The following STK31 variants were observed in gnomAD, a reference collection of about 807,000 sequenced individuals.
The protein encoded by STK31 is serine/threonine-protein kinase 31.
In STK31, 89 loss-of-function variants were observed where a neutral mutation model predicts 129.7. The ratio of observed to expected loss-of-function variants is 0.69; its 90% CI spans 0.58 to 0.82. The LOEUF is 0.82. Ranked by LOEUF, STK31 falls within the 40% of genes least tolerant of loss-of-function variation. STK31 has a pLI of 0.00. For synonymous variants in STK31, 448 were observed against 395.3 expected, an observed-to-expected ratio of 1.13 and a Z score of -1.58; for missense variants, 1,187 against 1,176.4, an observed-to-expected ratio of 1.01 and a Z score of -0.13.
chr7:23,737,944 C>A (rs1244784286), intron 8 of STK31, among the ~76,000 whole-genome samples: 1 of 151,980 alleles, frequency 6.6e-6, no homozygotes, highest in African/African-American at 2.4e-5. Flanking sequence ...TCCTCCAATT[C>A]TCTGACACCA....
intron 22 of STK31, among the ~76,000 whole-genome samples, chr7:23,791,673 A>G (rs1342077386): frequency 6.6e-6 from 1 of 152,254 alleles, no homozygotes; most frequent in African/African-American, 2.4e-5. Flanking sequence ...CTGCTATTTT[A>G]CGTAGAGAAT....
intron 4 of STK31, among the ~76,000 whole-genome samples, chr7:23,717,822 C>A (rs1786443404): frequency 3.9e-5 from 6 of 152,082 alleles, no homozygotes; most frequent in Admixed American, 3.9e-4. Flanking sequence ...GCTAAATAAG[C>A]CAGTCACAAG....
At chr7:23,787,579 A>G (rs200270817) in intron 20 of STK31, among the ~76,000 whole-genome samples, 1 of 152,076 alleles carries the variant, frequency 6.6e-6, no homozygotes, top group Non-Finnish European at 1.5e-5. Flanking sequence ...CATAAACTCT[A>G]TTGTGAACTG....
At chr7:23,718,161 T>C (rs2128063412) in intron 4 of STK31, among the ~76,000 whole-genome samples, 1 of 152,264 alleles carries the variant, frequency 6.6e-6, no homozygotes, top group Admixed American at 6.5e-5. Flanking sequence ...TACACTATTC[T>C]AGCCAAAAAA....
chr7:23,828,221 T>C (rs958284031), intron 23 of STK31, among the ~76,000 whole-genome samples: 9 of 148,854 alleles, frequency 6.0e-5, no homozygotes, highest in African/African-American at 2.1e-4. Context: ...GGAGGCCTCT[T>C]TGAGCTGTGG....
chr7:23,725,410 A>G (rs978436117), intron 4 of STK31, among the ~76,000 whole-genome samples: 1 of 137,032 alleles, frequency 7.3e-6, no homozygotes, highest in African/African-American at 2.7e-5. Context: ...TAGGTATGGT[A>G]TGTGTGCCTG....
At chr7:23,819,102 G>A (rs1584497505) in intron 23 of STK31, among the ~76,000 whole-genome samples, 3 of 152,114 alleles carry the variant, frequency 2.0e-5, no homozygotes, top group Admixed American at 1.3e-4. Flanking sequence ...CATTTTTGTT[G>A]AAGACCATAA....
At position 23,783,675 on chromosome 7, in the gene STK31, T is replaced by A; in HGVS notation, c.2148+12T>A. 6.2e-7 allele frequency: 1 copy of A among 1,604,238 alleles called. No individual in the cohort carries two copies. The highest frequency in any genetic ancestry group is 1.1e-5 in the South Asian group (1 of 89,170). ...TACTCAAATACATGGTAAACTTTGT[T>A]TCCCTTGCGAATTACTACTCTTCAG... On this transcript the variant is annotated intron_variant, in intron 17 of 23. Coordinates refer to ENST00000355870, the MANE Select transcript of STK31 (RefSeq NM_031414.5).
At chr7:23,793,820 G>A (rs1562607895) in intron 22 of STK31, among the ~76,000 whole-genome samples, 1 of 152,184 alleles carries the variant, frequency 6.6e-6, no homozygotes, top group Non-Finnish European at 1.5e-5. Context: ...AAAACATTTG[G>A]CAGTTTGTTA....
chr7:23,710,181 G>A (rs2128056495), upstream of STK31: 4 of 1,590,024 alleles, frequency 2.5e-6, no homozygotes, highest in South Asian at 4.5e-5. Flanking sequence ...CCGGATGATG[G>A]CGCAGCGCTG....
At chr7:23,786,412 A>T (rs1455448510) in intron 18 of STK31, 96 bp from the exon 19 acceptor site, 4 of 1,220,616 alleles carry the variant, frequency 3.3e-6, no homozygotes, top group Non-Finnish European at 4.3e-6. Context: ...GATTTGATTT[A>T]ACTTAAAATA....
intron 10 of STK31, among the ~76,000 whole-genome samples, chr7:23,759,384 AAC>A (rs1481375027): frequency 6.6e-6 from 1 of 152,226 alleles, no homozygotes; most frequent in African/African-American, 2.4e-5. Flanking sequence ...TTGGAAGTAA[AAC>A]ACTCTTCAGC....
intron 22 of STK31, among the ~76,000 whole-genome samples, chr7:23,792,980 C>G (rs1007672735): frequency 1.3e-5 from 2 of 152,174 alleles, no homozygotes; most frequent in African/African-American, 4.8e-5. Context: ...TATGACTGCT[C>G]CACTGCACTC....
chr7:23,792,182 T>G (rs1416104161), intron 22 of STK31, among the ~76,000 whole-genome samples: 1 of 152,112 alleles, frequency 6.6e-6, no homozygotes, highest in Non-Finnish European at 1.5e-5. Flanking sequence ...AGTTTGAAAA[T>G]GAAGAAATAA....
At chr7:23,798,826 T>C (rs1345992984) in intron 22 of STK31, among the ~76,000 whole-genome samples, 1 of 152,228 alleles carries the variant, frequency 6.6e-6, no homozygotes, top group Non-Finnish European at 1.5e-5. Context: ...GCAGATGACA[T>C]GATTGTATAT....
chr7:23,826,682 T>C (rs1440065901), intron 23 of STK31, among the ~76,000 whole-genome samples: 1 of 152,236 alleles, frequency 6.6e-6, no homozygotes, highest in East Asian at 1.9e-4. Context: ...TGATGCAGTT[T>C]CTTCCTAGCC....
intron 11 of STK31, 118 bp from the exon 12 acceptor site, chr7:23,768,877 G>T: frequency 1.2e-6 from 1 of 842,110 alleles, no homozygotes. Flanking sequence ...TTGTATTTAT[G>T]AAATTCTCAA....
intron 10 of STK31, 54 bp downstream of exon 10, chr7:23,754,528 TG>T: frequency 6.6e-7 from 1 of 1,512,822 alleles, no homozygotes; most frequent in Non-Finnish European, 8.9e-7. Context: ...CATAAGGAAG[TG>T]TTTTTTTAAT....
chr7:23,711,816 A>G (rs1785984001), intron 1 of STK31, among the ~76,000 whole-genome samples: 1 of 152,194 alleles, frequency 6.6e-6, no homozygotes, highest in South Asian at 2.1e-4. Flanking sequence ...GTATTGATTT[A>G]TGTAAGTGAT....
Sources: gnomAD v4.1 joint callset for allele counts (sites outside exome capture counted in the v4.1 genomes callset) on GRCh38, gnomAD v4.1.1 for gene constraint, MANE v1.5 for transcripts, NCBI Gene and HGNC (gene_info 2026-07-23, HGNC 2026-07-21) for gene names.